POM121C: variants seen among roughly 807,000 people sequenced by gnomAD.
The protein encoded by POM121C is nuclear envelope pore membrane protein POM 121C.
In POM121C, 20 loss-of-function variants were observed where a neutral mutation model predicts 66.4. The observed-to-expected ratio is 0.30, with a 90% CI of 0.21 to 0.44. The LOEUF is 0.44. Among genes scored for constraint, POM121C ranks in the 20% least tolerant of loss-of-function variants. The pLI is 1.00. For synonymous variants in POM121C, 286 were observed against 528.0 expected, an observed-to-expected ratio of 0.54 and a Z score of 6.28; for missense variants, 580 against 1,225.7, an observed-to-expected ratio of 0.47 and a Z score of 7.87.
chr7:75,471,046 A>G (rs1791855540), intron 3 of POM121C, among the ~76,000 whole-genome samples: 1 of 152,072 alleles, frequency 6.6e-6, no homozygotes. Flanking sequence ...GAAATCCCCA[A>G]TTCAGCTTCT....
intron 6 of POM121C, among the ~76,000 whole-genome samples, chr7:75,438,012 T>A (rs1481701405): frequency 2.6e-5 from 4 of 152,166 alleles, no homozygotes; most frequent in Non-Finnish European, 5.9e-5. Flanking sequence ...GTCATGGATG[T>A]TCATTATCTT....
intron 3 of POM121C, chr7:75,442,454 C>G: frequency 7.0e-7 from 1 of 1,418,582 alleles, no homozygotes; most frequent in Non-Finnish European, 9.2e-7. Flanking sequence ...CAGTGTTCGC[C>G]GATGTCGCGC....
rs782419602 is a variant in POM121C, at chr7:75,421,995, T to C, written c.2257A>G (p.Lys753Glu). 9 of 1,613,884 alleles carry C rather than the reference T, an allele frequency of 5.6e-6. No homozygotes were observed. The South Asian group carries it at 7.7e-5, about 14-fold the overall frequency. The stretch of plus-strand genomic sequence containing the variant: ...GTAGGCACGTGCGCAGGCACGATCT[T>C]GATCGTGGACGCAGGTGCAGGTGTG... ...APTPAPASTIKIVPAHVPTPI... is the reference protein window; with the variant it reads ...APTPAPASTIEIVPAHVPTPI... Residue 753 changes from lysine to glutamate, a missense_variant, in exon 13 of 15, where the codon AAG becomes GAG. Lys to Glu is a moderately conservative substitution (Grantham distance 56). Transcript: ENST00000615331.
At chr7:75,464,863 A>C (rs1437166986) in intron 3 of POM121C, among the ~76,000 whole-genome samples, 1 of 108,380 alleles carries the variant, frequency 9.2e-6, no homozygotes, top group East Asian at 1.9e-4. Context: ...TCTCAAAAAA[A>C]AAAAAAAAAA....
intron 3 of POM121C, among the ~76,000 whole-genome samples, chr7:75,471,666 G>C (rs1791884172): frequency 6.6e-6 from 1 of 152,046 alleles, no homozygotes; most frequent in Non-Finnish European, 1.5e-5. Flanking sequence ...TGGGATCCTG[G>C]GACCCAAGGG....
rs396094 is a variant in POM121C at position 75,421,674 on chromosome 7, C to T, written c.2578G>A (p.Ala860Thr). The change falls in exon 13 of 15, where the codon GCC (alanine) becomes ACC (threonine). Residue 860 changes from alanine (A) to threonine (T), a missense_variant. Transcript: ENST00000615331. ...GINVATPGSS[A>T]TTGAFSFGAG... is the part of the protein sequence containing the mutation. ...CCAAAGCTGAAAGCTCCGGTGGTGG[C>T]GCTGGAGCCTGGGGTGGCCACGTTG... is the stretch of plus-strand genomic sequence containing the variant. 8.4e-5 allele frequency: 135 copies of T among 1,610,430 alleles called. 1 individual carries two copies. Among genetic ancestry groups the T allele is most frequent in the Middle Eastern group, 3.5e-4 (2 of 5,736 alleles).
At position 75,468,689 on chromosome 7, in the gene POM121C, T is replaced by TG. The variant is rs1791764105; in HGVS notation, c.-152+6014dup. Reference sequence around the variant, plus strand: ...AAACCAACATATGCAACTGCCTACTTGATGTTTCCATTTGGATATCTAACT... The same window carrying TG: ...AAACCAACATATGCAACTGCCTACTTGGATGTTTCCATTTGGATATCTAACT... On this transcript the variant is annotated intron_variant, in intron 3 of 14. Transcript: ENST00000615331. Among the ~76,000 whole-genome samples the TG allele has an allele frequency of 2.0e-5, 3 of 152,252 alleles. No individual in the cohort carries two copies. The South Asian group carries it at 6.2e-4, about 32-fold the overall frequency.
chr7:75,424,533 G>T lies in POM121C; in HGVS notation c.864C>A (p.Asp288Glu). 1.2e-6 allele frequency: 2 copies of T among 1,613,830 alleles called. No individual in the cohort carries two copies. The highest frequency in any genetic ancestry group is 1.7e-4 in the Middle Eastern group (1 of 6,056). Residue 288 changes from aspartate to glutamate, a missense_variant, in exon 11 of 15, where the codon GAC becomes GAA. By Grantham distance (45) the Asp-to-Glu change is conservative. Transcript: ENST00000615331. ...SLQWFNQALE[D>E]KSDAASNSVT... ...ACGATCTGTGCTCCTTACCACTCTT[G>T]TCCTCCAAGGCCTGGTTGAACCACT...
intron 3 of POM121C, chr7:75,442,106 C>G (rs1406461839): frequency 7.3e-7 from 1 of 1,371,922 alleles, no homozygotes; most frequent in Non-Finnish European, 9.4e-7. Flanking sequence ...TCAAGCCAGC[C>G]GAGCCAGAGG....
chr7:75,424,706 C>T, intron 10 of POM121C, 78 bp from the exon 11 acceptor site: 1 of 1,575,428 alleles, frequency 6.3e-7, no homozygotes, highest in Non-Finnish European at 8.7e-7. Flanking sequence ...CGCCGGTAAT[C>T]TCAGCACTCT....
At chr7:75,478,259 G>A (rs1328137373) in intron 1 of POM121C, among the ~76,000 whole-genome samples, 5 of 152,270 alleles carry the variant, frequency 3.3e-5, no homozygotes, top group Admixed American at 1.3e-4. Flanking sequence ...GAGCCACCAC[G>A]CCTGGGCTGA....
In POM121C at chr7:75,460,786, G is replaced by C. The variant is rs2599310; in HGVS notation, c.-152+13918C>G. ...GCTGGCTGATGCCAGGGCGAGCAGC[G>C]GAACTCTGTCCTCCAAAACCATGGG... On this transcript the variant is annotated intron_variant, in intron 3 of 14. Transcript: ENST00000615331. 9.1e-4 allele frequency among the ~76,000 whole-genome samples: 139 copies of C among 152,242 alleles called. 1 individual carries two copies. Among genetic ancestry groups the C allele is most frequent in the African/African-American group, 3.3e-3 (138 of 41,484 alleles).
intron 3 of POM121C, among the ~76,000 whole-genome samples, chr7:75,474,009 C>A (rs1791974386): frequency 6.6e-6 from 1 of 151,992 alleles, no homozygotes; most frequent in African/African-American, 2.4e-5. Flanking sequence ...ATTTTTAAAG[C>A]AAGGAAGGAA....
intron 5 of POM121C, among the ~76,000 whole-genome samples, chr7:75,440,368 C>A (rs1335699816): frequency 6.6e-6 from 1 of 151,220 alleles, no homozygotes; most frequent in Non-Finnish European, 1.5e-5. Context: ...GAGTTTGAGA[C>A]CATCCTGGCC....
At position 75,421,874 on chromosome 7, in the gene POM121C, G is replaced by A; in HGVS notation, c.2378C>T (p.Ala793Val). The stretch of plus-strand genomic sequence containing the variant: ...GAAGACAGCAGTGGAGCCGCCAAAG[G>A]CGGGCTGTGAGCTGGCGGGAGCGCC... ...AFGAPASSQP[A>V]FGGSTAVFSF... The change falls in exon 13 of 15, where the codon GCC (alanine) becomes GTC (valine). Residue 793 changes from alanine to valine, a missense_variant. Transcript: ENST00000615331. 1 of 1,611,920 alleles carries A rather than the reference G, an allele frequency of 6.2e-7. No homozygotes were observed. The highest frequency in any genetic ancestry group is 8.5e-7 in the Non-Finnish European group (1 of 1,179,416).
intron 7 of POM121C, among the ~76,000 whole-genome samples, chr7:75,428,476 A>G (rs1554471958): frequency 6.6e-6 from 1 of 152,236 alleles, no homozygotes. Flanking sequence ...GGCCAAGTGC[A>G]GTGGCTCATG....
At chr7:75,478,160 T>TTTCAAA (rs1288873300) in intron 1 of POM121C, among the ~76,000 whole-genome samples, 19 of 151,996 alleles carry the variant, frequency 1.3e-4, no homozygotes, top group African/African-American at 3.9e-4. Context: ...AGAGATGGGG[T>TTTCAAA]TTCACCATGT....
chr7:75,431,155 T>C (rs1790161060), intron 7 of POM121C, among the ~76,000 whole-genome samples: 1 of 136,698 alleles, frequency 7.3e-6, no homozygotes, highest in Non-Finnish European at 1.6e-5. Flanking sequence ...AAATAGCCAA[T>C]AAACAGTTGG....
chr7:75,453,113 C>T (rs587722491), intron 3 of POM121C, among the ~76,000 whole-genome samples: 1 of 152,132 alleles, frequency 6.6e-6, no homozygotes, highest in South Asian at 2.1e-4. Flanking sequence ...CTTTGTGCAA[C>T]ACAGGAAACA....
Sources: gnomAD v4.1 joint callset for allele counts (sites outside exome capture counted in the v4.1 genomes callset) on GRCh38, gnomAD v4.1.1 for gene constraint, MANE v1.5 for transcripts, NCBI Gene and HGNC (gene_info 2026-07-23, HGNC 2026-07-21) for gene names.